GPHN: variants seen among roughly 807,000 people sequenced by gnomAD.
GPHN encodes gephyrin.
Under a neutral mutation model 95.5 loss-of-function variants are expected in GPHN, and 17 were observed. The ratio of observed to expected loss-of-function variants is 0.18; its 90% CI spans 0.12 to 0.27. GPHN has a LOEUF of 0.27. Among genes scored for constraint, GPHN ranks in the 10% least tolerant of loss-of-function variants. GPHN has a pLI of 1.00. For missense variants in GPHN, 660 were observed against 978.1 expected, an observed-to-expected ratio of 0.67 and a Z score of 4.34; for synonymous variants, 320 against 322.5, an observed-to-expected ratio of 0.99 and a Z score of 0.08.
chr14:67,403,977 T>C, the GPHN span, among the ~76,000 whole-genome samples: 1 of 152,150 alleles, frequency 6.6e-6, no homozygotes. Flanking sequence ...CACGTGAGCC[T>C]GGGAGGTCAA....
chr14:66,528,368 G>C (rs1410179546), intron 1 of GPHN, among the ~76,000 whole-genome samples: 1 of 152,096 alleles, frequency 6.6e-6, no homozygotes, highest in Non-Finnish European at 1.5e-5. Context: ...TTGCATGTGA[G>C]ATGGGTCTCC....
chr14:66,737,353 T>G (rs144352597), intron 2 of GPHN, among the ~76,000 whole-genome samples: 2 of 152,274 alleles, frequency 1.3e-5, no homozygotes, highest in South Asian at 2.1e-4. Context: ...TGAAACCACT[T>G]TCAATTTTGG....
the GPHN span, among the ~76,000 whole-genome samples, chr14:67,306,227 C>A: frequency 6.6e-6 from 1 of 152,168 alleles, no homozygotes; most frequent in Non-Finnish European, 1.5e-5. Flanking sequence ...GCCTTGGCCT[C>A]CCAAAGTGCT....
chr14:67,629,151 T>C, the GPHN span, among the ~76,000 whole-genome samples: 12 of 152,180 alleles, frequency 7.9e-5, no homozygotes, highest in South Asian at 1.5e-3. Flanking sequence ...CTGGGCAACT[T>C]AGCGAGTCCC....
intron 9 of GPHN, among the ~76,000 whole-genome samples, chr14:66,971,994 G>A (rs141928026): frequency 2.6e-5 from 4 of 152,188 alleles, no homozygotes; most frequent in Admixed American, 6.5e-5. Context: ...TGGGCTGGGC[G>A]TGGTGGCTCA....
the GPHN span, among the ~76,000 whole-genome samples, chr14:67,506,134 T>C: frequency 1.3e-5 from 2 of 152,214 alleles, no homozygotes; most frequent in Non-Finnish European, 2.9e-5. Context: ...GTGAGCACTT[T>C]CCTGCCCCTC....
At chr14:67,679,697 C>G in the GPHN span, among the ~76,000 whole-genome samples, 7 of 152,180 alleles carry the variant, frequency 4.6e-5, no homozygotes, top group Non-Finnish European at 7.3e-5. Context: ...AGCCACTGCA[C>G]CCAGCCTGTA....
At chr14:67,523,938 T>TTTCC in the GPHN span, among the ~76,000 whole-genome samples, 4 of 151,564 alleles carry the variant, frequency 2.6e-5, no homozygotes, top group Admixed American at 2.6e-4. Context: ...GAGGGAAGAA[T>TTTCC]AGTGACACAA....
At chr14:67,002,761 A>C (rs2072322734) in intron 9 of GPHN, among the ~76,000 whole-genome samples, 1 of 151,628 alleles carries the variant, frequency 6.6e-6, no homozygotes, top group Non-Finnish European at 1.5e-5. Context: ...ATGTGTAAGT[A>C]CTCAATAAAT....
At chr14:67,461,263 T>C in the GPHN span, among the ~76,000 whole-genome samples, 1 of 152,176 alleles carries the variant, frequency 6.6e-6, no homozygotes, top group Non-Finnish European at 1.5e-5. Flanking sequence ...GTCTAGACTA[T>C]TATTGGCCAC....
chr14:66,613,491 A>G (rs926122149), intron 1 of GPHN, among the ~76,000 whole-genome samples: 3 of 152,008 alleles, frequency 2.0e-5, no homozygotes, highest in Non-Finnish European at 4.4e-5. Context: ...TGCCAAAACA[A>G]GAGAGAGTAT....
At chr14:67,111,991 C>G in intron 15 of GPHN, 72 bp downstream of exon 15, 1 of 1,154,878 alleles carries the variant, frequency 8.7e-7, no homozygotes, top group Non-Finnish European at 1.3e-6. Flanking sequence ...GAAACCCTGG[C>G]TACTATAAAT....
the GPHN span, among the ~76,000 whole-genome samples, chr14:67,638,759 A>G: frequency 6.6e-6 from 1 of 152,232 alleles, no homozygotes; most frequent in African/African-American, 2.4e-5. Flanking sequence ...TTGTGGATGC[A>G]GAAACACAAG....
intron 9 of GPHN, among the ~76,000 whole-genome samples, chr14:67,000,071 TTTTA>T (rs1251923595): frequency 6.6e-6 from 1 of 151,830 alleles, no homozygotes; most frequent in African/African-American, 2.4e-5. Flanking sequence ...AAAATTGTGT[TTTTA>T]TTTAATGCTT....
chr14:67,676,148 G>A, the GPHN span, among the ~76,000 whole-genome samples: 1 of 152,196 alleles, frequency 6.6e-6, no homozygotes, highest in African/African-American at 2.4e-5. Context: ...TGCTCAAGGT[G>A]TCTGTTCTCA....
At chr14:66,822,134 T>C (rs1175164108) in intron 3 of GPHN, among the ~76,000 whole-genome samples, 1 of 152,164 alleles carries the variant, frequency 6.6e-6, no homozygotes, top group African/African-American at 2.4e-5. Context: ...GTATTTTTAG[T>C]AGAGACGGCG....
chr14:66,672,348 G>A (rs569015542), intron 1 of GPHN, among the ~76,000 whole-genome samples: 1 of 152,146 alleles, frequency 6.6e-6, no homozygotes. Flanking sequence ...TTTGGTGAAT[G>A]TTCCATGTTA....
intron 19 of GPHN, among the ~76,000 whole-genome samples, chr14:67,163,567 T>A (rs1433247716): frequency 2.6e-5 from 4 of 152,134 alleles, no homozygotes; most frequent in Admixed American, 6.5e-5. Context: ...AGTACTCTTG[T>A]GACCTAACAT....
At chr14:66,857,884 G>A (rs913584791) in intron 4 of GPHN, among the ~76,000 whole-genome samples, 10 of 152,250 alleles carry the variant, frequency 6.6e-5, no homozygotes, top group South Asian at 2.1e-4. Flanking sequence ...ATTGTGAGAC[G>A]TAGCATTGGA....
Sources: gnomAD v4.1 joint callset for allele counts (sites outside exome capture counted in the v4.1 genomes callset) on GRCh38, gnomAD v4.1.1 for gene constraint, MANE v1.5 for transcripts, NCBI Gene and HGNC (gene_info 2026-07-23, HGNC 2026-07-21) for gene names.